Variants in BAMBI observed in about 807,000 individuals in gnomAD.
The protein encoded by BAMBI is BMP and activin membrane bound inhibitor.
BAMBI carries 21 observed loss-of-function variants against 24.1 expected under a neutral mutation model. The observed-to-expected ratio is 0.87, with a 90% CI of 0.62 to 1.26. The LOEUF is 1.26. Ranked by LOEUF, BAMBI falls within the 50% of genes most tolerant of loss-of-function variation. The pLI is 0.00. For missense variants in BAMBI, 388 were observed against 329.1 expected (o/e 1.18, Z -1.38); for synonymous variants, 156 against 123.1 (o/e 1.27, Z -1.77).
Position 28,679,234 on chromosome 10 carries a change from GATA to G in BAMBI, c.76+1264_76+1266del, listed in dbSNP as rs202098121. 9.5e-3 allele frequency among the ~76,000 whole-genome samples: 1,454 copies of G among 152,312 alleles called. 14 individuals carry two copies. The highest frequency in any genetic ancestry group is 0.016 in the Non-Finnish European group (1,113 of 68,030). Reference sequence around the variant, plus strand: ...TCACAGATACCGAAACTATGTGCCTGATAATGATATAATTAGGGGATCAGAGAT... The same window carrying G: ...TCACAGATACCGAAACTATGTGCCTGATGATATAATTAGGGGATCAGAGAT... On this transcript the variant is annotated intron_variant, in intron 1 of 2. Transcript: ENST00000375533.
Position 28,682,286 on chromosome 10 carries a change from A to G in BAMBI, c.668A>G (p.Glu223Gly), listed in dbSNP as rs764485833. 9.3e-6 allele frequency: 15 copies of G among 1,613,986 alleles called. No individual in the cohort carries two copies. The highest frequency in any genetic ancestry group is 1.2e-5 in the Non-Finnish European group (14 of 1,180,026). ...LECMVPVSGH[E>G]NCCLTCDKMR... Reference sequence around the variant, plus strand: ...TGCATGGTGCCGGTCAGTGGGCACGAGAACTGCTGTCTGACCTGTGATAAA... The same window carrying G: ...TGCATGGTGCCGGTCAGTGGGCACGGGAACTGCTGTCTGACCTGTGATAAA... Residue 223 changes from glutamate (E) to glycine (G), a missense_variant, in exon 3 of 3, where the codon GAG (glutamate) becomes GGG (glycine). Physicochemically the swap from Glu to Gly is moderately conservative, Grantham distance 98. Transcript: ENST00000375533.
chr10:28,679,918 C>T (rs1170306269), intron 1 of BAMBI, among the ~76,000 whole-genome samples: 3 of 152,156 alleles, frequency 2.0e-5, no homozygotes, highest in Non-Finnish European at 4.4e-5. Flanking sequence ...AGCAAGACCC[C>T]TAGCTTTGGA....
intron 1 of BAMBI, among the ~76,000 whole-genome samples, chr10:28,680,411 G>A (rs1457976623): frequency 2.6e-5 from 4 of 152,134 alleles, no homozygotes; most frequent in African/African-American, 9.7e-5. Flanking sequence ...TAGAAAATTT[G>A]AGGTTTCCTT....
Position 28,682,341 on chromosome 10 carries a change from G to GAAA in BAMBI, c.724_725insAAA (p.Lys241dup). The stretch of plus-strand genomic sequence containing the variant: ...GACAAGCAGACCTCAGCAACGATAA[G>GAAA]ATCCTCTCGCTTGTTCACTGGGGCA... On this transcript the variant is annotated inframe_insertion, in exon 3 of 3. Transcript: ENST00000375533. 1 of 1,614,082 alleles carries GAAA rather than the reference G, an allele frequency of 6.2e-7. No individual in the cohort carries two copies. The highest frequency in any genetic ancestry group is 8.5e-7 in the Non-Finnish European group (1 of 1,180,016).
chr10:28,681,399 T>C lies in BAMBI; in HGVS notation c.218T>C (p.Leu73Pro), dbSNP rs771462898. ...CTCACCCATGGCTGCCTGGACTCTCTTGCAAGCACGACAGACATCTGCCAA... is the reference window on the plus strand; with the variant it reads ...CTCACCCATGGCTGCCTGGACTCTCCTGCAAGCACGACAGACATCTGCCAA... ...SPLTHGCLDSLASTTDICQAK... is the reference protein window; with the variant it reads ...SPLTHGCLDSPASTTDICQAK... The change falls in exon 2 of 3, where the codon CTT (leucine) becomes CCT (proline). Residue 73 changes from leucine to proline, a missense_variant. By Grantham distance (98) the Leu-to-Pro change is moderately conservative. Transcript: ENST00000375533. The C allele has an allele frequency of 3.7e-6, 6 of 1,614,170 alleles. No homozygotes were observed. The East Asian group carries it at 1.1e-4, about 30-fold the overall frequency.
At chr10:28,678,767 G>A (rs2132944642) in intron 1 of BAMBI, among the ~76,000 whole-genome samples, 1 of 150,894 alleles carries the variant, frequency 6.6e-6, no homozygotes, top group East Asian at 2.0e-4. Context: ...GCCGGGAGGA[G>A]TAGGCTCTGT....
intron 1 of BAMBI, among the ~76,000 whole-genome samples, chr10:28,678,700 C>T (rs1212059450): frequency 2.0e-5 from 3 of 151,870 alleles, no homozygotes; most frequent in Non-Finnish European, 2.9e-5. Flanking sequence ...TGTGGGTCTC[C>T]CTGAGAGTTT....
intron 1 of BAMBI, among the ~76,000 whole-genome samples, chr10:28,678,987 A>ACT (rs34321625): frequency 0.16 from 24,969 of 152,162 alleles, 2,457 homozygotes; most frequent in East Asian, 0.43. Context: ...AGTAGGAAGC[A>ACT]GTTTAGTCTT....
Position 28,677,989 on chromosome 10 carries a change from G to A in BAMBI, c.76+16G>A. ...CTCACCAAAGGTGGGTGCCGGGGGC[G>A]CACGGGGCCCGGGGTCCCGTCCTCG... is the stretch of plus-strand genomic sequence containing the variant. On this transcript the variant is annotated intron_variant, in intron 1 of 2. Coordinates refer to ENST00000375533, the MANE Select transcript of BAMBI (RefSeq NM_012342.3). 2 of 1,510,144 alleles carry A rather than the reference G, an allele frequency of 1.3e-6. No homozygotes were observed. The highest frequency in any genetic ancestry group is 2.6e-5 in the East Asian group (1 of 38,414). 93.5% of individuals were successfully genotyped at this position (1,510,144 alleles called of 1,614,324 possible).
Position 28,682,424 on chromosome 10 carries a change from T to A in BAMBI, c.*23T>A, listed in dbSNP as rs368106716. ...TGACGGAGTCTTATCTGAACTACAC[T>A]TACTGAACAGCTTGAAGGCCTTTTG... On this transcript the variant is annotated 3_prime_UTR_variant, in exon 3 of 3. Transcript: ENST00000375533. 4 of 1,588,174 alleles carry A rather than the reference T, an allele frequency of 2.5e-6. No individual in the cohort carries two copies. Among genetic ancestry groups the A allele is most frequent in the Non-Finnish European group, 3.4e-6 (4 of 1,162,386 alleles).
At chr10:28,679,496 A>G (rs1834474218) in intron 1 of BAMBI, among the ~76,000 whole-genome samples, 1 of 152,084 alleles carries the variant, frequency 6.6e-6, no homozygotes, top group Admixed American at 6.6e-5. Flanking sequence ...CAGTGGTACA[A>G]AAGTCCATTC....
intron 1 of BAMBI, among the ~76,000 whole-genome samples, 160 bp from the exon 2 acceptor site, chr10:28,681,098 C>T (rs1834492400): frequency 6.6e-6 from 1 of 152,178 alleles, no homozygotes; most frequent in Non-Finnish European, 1.5e-5. Flanking sequence ...AACTTACGCA[C>T]TGGCTGCAGG....
intron 2 of BAMBI, 101 bp from the exon 3 acceptor site, chr10:28,681,882 C>A: frequency 8.4e-7 from 1 of 1,192,568 alleles, no homozygotes; most frequent in Non-Finnish European, 1.2e-6. Context: ...TAATTGTAAG[C>A]TTCTTTTTAA....
chr10:28,682,304 G>A lies in BAMBI; in HGVS notation c.686G>A (p.Cys229Tyr). ...GGGCACGAGAACTGCTGTCTGACCT[G>A]TGATAAAATGAGACAAGCAGACCTC... Reference protein sequence around the residue: ...VSGHENCCLTCDKMRQADLSN... With the variant: ...VSGHENCCLTYDKMRQADLSN... Residue 229 changes from cysteine (C) to tyrosine (Y), a missense_variant, in exon 3 of 3, where the codon TGT (cysteine) becomes TAT (tyrosine). Physicochemically the swap from Cys to Tyr is radical, Grantham distance 194 (BLOSUM62 -2). Transcript: ENST00000375533. The A allele has an allele frequency of 6.2e-7, 1 of 1,614,124 alleles. No individual in the cohort carries two copies. The highest frequency in any genetic ancestry group is 1.3e-5 in the African/African-American group (1 of 75,020).
Position 28,682,420 on chromosome 10 carries a change from A to G in BAMBI, c.*19A>G. 1 of 1,596,374 alleles carries G rather than the reference A, an allele frequency of 6.3e-7. No homozygotes were observed. On this transcript the variant is annotated 3_prime_UTR_variant, in exon 3 of 3. Coordinates refer to ENST00000375533, the MANE Select transcript of BAMBI (RefSeq NM_012342.3). ...CGTATGACGGAGTCTTATCTGAACT[A>G]CACTTACTGAACAGCTTGAAGGCCT... is the stretch of plus-strand genomic sequence containing the variant.
intron 1 of BAMBI, among the ~76,000 whole-genome samples, chr10:28,679,831 C>T (rs920002533): frequency 6.6e-6 from 1 of 151,962 alleles, no homozygotes; most frequent in African/African-American, 2.4e-5. Flanking sequence ...GGAGAAAGAG[C>T]AGAGAAGTGG....
At chr10:28,679,769 C>G (rs1367095630) in intron 1 of BAMBI, among the ~76,000 whole-genome samples, 1 of 152,032 alleles carries the variant, frequency 6.6e-6, no homozygotes, top group Non-Finnish European at 1.5e-5. Flanking sequence ...AGTCATCACC[C>G]CAGAAGACTG....
rs770003123 is a variant in BAMBI at position 28,681,283 on chromosome 10, T to C, written c.102T>C (p.Ala34=). Residue 34 remains alanine (A), a synonymous_variant, in exon 2 of 3, where the codon GCT becomes GCC. Coordinates refer to ENST00000375533, the MANE Select transcript of BAMBI (RefSeq NM_012342.3). ...GTGAAATTCGATGCTACTGTGATGC[T>C]GCCCACTGTGTAGCCACTGGTTATA... The part of the protein sequence containing the change: ...TKGEIRCYCD[A]AHCVATGYMC... 3.1e-6 allele frequency: 5 copies of C among 1,613,386 alleles called. No homozygotes were observed. In the East Asian group the frequency reaches 1.1e-4, roughly 36 times the overall value.
Position 28,681,986 on chromosome 10 carries a change from A to G in BAMBI, c.368A>G (p.Gln123Arg), listed in dbSNP as rs1274766372. The G allele has an allele frequency of 8.7e-6, 14 of 1,610,044 alleles. No individual in the cohort carries two copies. Among genetic ancestry groups the G allele is most frequent in the Non-Finnish European group, 1.2e-5 (14 of 1,176,920 alleles). The change falls in exon 3 of 3, where the codon CAA (glutamine) becomes CGA (arginine). Residue 123 changes from glutamine (Q) to arginine (R), a missense_variant. Physicochemically the swap from Gln to Arg is conservative, Grantham distance 43. Transcript: ENST00000375533. ...CATTTTCTTTGTACTCCTTTAGGAC[A>G]AGGAAACAGGTATCAGCATGATGGT... ...LSPPRGEASG[Q>R]GNRYQHDGSR...
Sources: gnomAD v4.1 joint callset for allele counts (sites outside exome capture counted in the v4.1 genomes callset) on GRCh38, gnomAD v4.1.1 for gene constraint, MANE v1.5 for transcripts, NCBI Gene and HGNC (gene_info 2026-07-23, HGNC 2026-07-21) for gene names.